Variants in ARFGEF3 observed in about 807,000 individuals in gnomAD.
The protein encoded by ARFGEF3 is brefeldin A-inhibited guanine nucleotide-exchange protein 3.
In ARFGEF3, 96 loss-of-function variants were observed where a neutral mutation model predicts 221.7. That is an observed-to-expected ratio of 0.43 (90% CI 0.37 to 0.51). ARFGEF3 has a LOEUF of 0.51. ARFGEF3 is among the 20% of genes least tolerant of loss of function. The pLI, the probability that ARFGEF3 is intolerant of heterozygous loss-of-function variation, is 0.00. For synonymous variants in ARFGEF3, 1,145 were observed against 1,126.8 expected, an observed-to-expected ratio of 1.02 and a Z score of -0.32; for missense variants, 2,410 against 2,789.9, an observed-to-expected ratio of 0.86 and a Z score of 3.07.
At chr6:138,284,797 A>C (rs1438839551) in intron 14 of ARFGEF3, among the ~76,000 whole-genome samples, 2 of 152,212 alleles carry the variant, frequency 1.3e-5, no homozygotes, top group African/African-American at 4.8e-5. Flanking sequence ...ACATGTTCTG[A>C]GAAATGCATT....
At chr6:138,180,287 C>T (rs1777053181) in intron 2 of ARFGEF3, among the ~76,000 whole-genome samples, 2 of 152,182 alleles carry the variant, frequency 1.3e-5, no homozygotes. Context: ...GTTGGACTCC[C>T]CTTGCTACCT....
intron 2 of ARFGEF3, among the ~76,000 whole-genome samples, chr6:138,176,516 A>G (rs191144560): frequency 2.0e-5 from 3 of 152,150 alleles, no homozygotes; most frequent in East Asian, 3.9e-4. Flanking sequence ...ATGACAATCT[A>G]TATATTTTAA....
At chr6:138,323,334 G>A (rs1193235496) in intron 29 of ARFGEF3, among the ~76,000 whole-genome samples, 4 of 152,222 alleles carry the variant, frequency 2.6e-5, no homozygotes, top group African/African-American at 4.8e-5. Context: ...CTTTGTGGCC[G>A]GGCGCGGTGT....
chr6:138,162,148 A>G lies in ARFGEF3; in HGVS notation c.62A>G (p.Lys21Arg). The G allele has an allele frequency of 2.5e-6, 4 of 1,603,564 alleles. No homozygotes were observed. Among genetic ancestry groups the G allele is most frequent in the Non-Finnish European group, 1.7e-6 (2 of 1,174,696 alleles). The change falls in exon 1 of 34, where the codon AAG becomes AGG. Residue 21 changes from lysine (K) to arginine (R), a missense_variant. This residue lies in a region of ARFGEF3 where 570 missense variants were observed against 586.9 expected (regional missense o/e 0.97). Transcript: ENST00000251691. The surrounding 1 kb of genome is among the most constrained non-coding windows in gnomAD (Gnocchi z 4.7). ...TCCGGGAGCAAGTACAAAGCCATCA[A>G]GGAGAGCTGCACCTGGGCCCTGGGT... ...EASGSKYKAI[K>R]ESCTWALETL...
At chr6:138,285,906 T>A in intron 14 of ARFGEF3, 40 bp from the exon 15 acceptor site, 1 of 1,200,476 alleles carries the variant, frequency 8.3e-7, no homozygotes, top group Non-Finnish European at 1.2e-6. Flanking sequence ...TTGACTGGAG[T>A]GTTTTATTTA....
In ARFGEF3 at chr6:138,263,494, C is replaced by A; in HGVS notation, c.2011C>A (p.His671Asn). The change falls in exon 12 of 34, where the codon CAC becomes AAC. Residue 671 changes from histidine (H) to asparagine (N), a missense_variant. Around this residue, in one of 5 missense-constraint regions of ARFGEF3, gnomAD observed 594 missense variants for 734.3 expected, o/e 0.81. Coordinates refer to ENST00000251691, the MANE Select transcript of ARFGEF3 (RefSeq NM_020340.5). The stretch of plus-strand genomic sequence containing the variant: ...GCTGAAGAACCAGGAGGCGGATCAG[C>A]ACAGCGCCAGGCTGTTCATACAGTC... ...KLLKNQEADQHSARLFIQSLE... is the reference protein window; with the variant it reads ...KLLKNQEADQNSARLFIQSLE... The A allele has an allele frequency of 1.2e-6, 2 of 1,613,870 alleles. No individual in the cohort carries two copies. Among genetic ancestry groups the A allele is most frequent in the Non-Finnish European group, 1.7e-6 (2 of 1,179,888 alleles).
intron 30 of ARFGEF3, 91 bp from the exon 31 acceptor site, chr6:138,323,932 T>C: frequency 6.4e-7 from 1 of 1,569,400 alleles, no homozygotes; most frequent in East Asian, 2.2e-5. Flanking sequence ...TCAGTACTTT[T>C]GTCTCAGACA....
chr6:138,231,781 T>G (rs1778197227), intron 5 of ARFGEF3, among the ~76,000 whole-genome samples: 1 of 152,146 alleles, frequency 6.6e-6, no homozygotes. Context: ...GATCAGGAAG[T>G]GGGATGTGTA....
Position 138,344,381 on chromosome 6 carries a change from G to T in ARFGEF3, c.*7895G>T, listed in dbSNP as rs1010096036. The T allele has an allele frequency of 6.6e-6, 1 of 151,810 alleles. No homozygotes were observed. Among genetic ancestry groups the T allele is most frequent in the Non-Finnish European group, 1.5e-5 (1 of 67,980 alleles). 9.4% of individuals were successfully genotyped at this position (151,810 alleles called of 1,614,324 possible). On this transcript the variant is annotated 3_prime_UTR_variant, in exon 34 of 34. Coordinates refer to ENST00000251691, the MANE Select transcript of ARFGEF3 (RefSeq NM_020340.5). ...TTTTGCCTTCTTATTTAGTCAGTTT[G>T]GTCATATTTACTTAAAAAAACAAAC...
In ARFGEF3 at chr6:138,336,346, G is replaced by C. The variant is rs1421738174; in HGVS notation, c.6394G>C (p.Asp2132His). 1.2e-6 allele frequency: 2 copies of C among 1,610,460 alleles called. No individual in the cohort carries two copies. The highest frequency in any genetic ancestry group is 3.4e-5 in the Admixed American group (2 of 59,454). ...TVLNQIQILPDQTFTALQPAV... is the reference protein window; with the variant it reads ...TVLNQIQILPHQTFTALQPAV... ...TCTCAATCAGATTCAGATTCTCCCA[G>C]ACCAGACCTTCACGGCCCTCCAGCC... The change falls in exon 34 of 34, where the codon GAC (aspartate) becomes CAC (histidine). Residue 2132 changes from aspartate to histidine, a missense_variant. Transcript: ENST00000251691.
At chr6:138,325,848 G>C (rs912333112) in intron 31 of ARFGEF3, among the ~76,000 whole-genome samples, 6 of 151,582 alleles carry the variant, frequency 4.0e-5, no homozygotes, top group Non-Finnish European at 8.8e-5. Context: ...TGTTTTTGTT[G>C]TTGTTGTTGT....
intron 2 of ARFGEF3, among the ~76,000 whole-genome samples, chr6:138,180,772 G>A (rs1236189614): frequency 2.0e-5 from 3 of 152,212 alleles, no homozygotes; most frequent in Non-Finnish European, 4.4e-5. Flanking sequence ...TTGTTCTAGA[G>A]GAGAACTGAA....
chr6:138,243,032 C>T (rs757113242), intron 7 of ARFGEF3, 38 bp downstream of exon 7: 2 of 1,559,122 alleles, frequency 1.3e-6, no homozygotes, highest in East Asian at 2.2e-5. Context: ...GTTTTTAAAG[C>T]AGGTGTGAGA....
rs947030254 is a variant in ARFGEF3 at position 138,291,869 on chromosome 6, C to T, written c.3184C>T (p.Pro1062Ser). ...TGGGGACCCCGAGTGTGAGGGCTCG[C>T]CCCCCGAGCACAGCCCGGAGCAGGG... is the stretch of plus-strand genomic sequence containing the variant. ...LLGDPECEGS[P>S]PEHSPEQGRS... The change falls in exon 19 of 34, where the codon CCC becomes TCC. Residue 1062 changes from proline (P) to serine (S), a missense_variant. By Grantham distance (74) the Pro-to-Ser change is moderately conservative. This residue lies in a region of ARFGEF3 where 184 missense variants were observed against 141.8 expected (regional missense o/e 1.30). Coordinates refer to ENST00000251691, the MANE Select transcript of ARFGEF3 (RefSeq NM_020340.5). The surrounding 1 kb of genome is among the most constrained non-coding windows in gnomAD (Gnocchi z 4.5). The T allele has an allele frequency of 2.7e-6, 4 of 1,497,062 alleles. No homozygotes were observed. The highest frequency in any genetic ancestry group is 2.7e-5 in the East Asian group (1 of 37,290). The allele number at this position is 1,497,062 out of a possible 1,614,324, so 92.7% of individuals were successfully genotyped here.
In ARFGEF3 at chr6:138,328,126, G is replaced by T; in HGVS notation, c.5107G>T (p.Gly1703Ter). 6.3e-7 allele frequency: 1 copy of T among 1,593,452 alleles called. No individual in the cohort carries two copies. The highest frequency in any genetic ancestry group is 1.1e-5 in the South Asian group (1 of 87,350). Residue 1703 changes from glycine (G) to a stop codon, truncating the protein, a stop_gained, in exon 32 of 34, where the codon GGA (glycine) becomes TGA (stop). Coordinates refer to ENST00000251691, the MANE Select transcript of ARFGEF3 (RefSeq NM_020340.5). LOFTEE classifies it high-confidence loss of function. ...GCTGCCTCCTGATGAAAAACCAAATGGACACACCAAGAAAAGGTAAGTACC... is the reference window on the plus strand; with the variant it reads ...GCTGCCTCCTGATGAAAAACCAAATTGACACACCAAGAAAAGGTAAGTACC... The part of the protein sequence containing the change: ...IELPPDEKPN[G>*]HTKKSVSFRE...
rs752377124 is a variant in ARFGEF3, at chr6:138,286,755, C to T, written c.2624C>T (p.Thr875Ile). 3 of 1,614,056 alleles carry T rather than the reference C, an allele frequency of 1.9e-6. No homozygotes were observed. Among genetic ancestry groups the T allele is most frequent in the South Asian group, 2.2e-5 (2 of 91,090 alleles). Residue 875 changes from threonine to isoleucine, a missense_variant, in exon 16 of 34, where the codon ACT (threonine) becomes ATT (isoleucine). This residue lies in a region of ARFGEF3 where 594 missense variants were observed against 734.3 expected (regional missense o/e 0.81). Coordinates refer to ENST00000251691, the MANE Select transcript of ARFGEF3 (RefSeq NM_020340.5). ...LVGCWKNLIDTLSTPLTGRMA... is the reference protein window; with the variant it reads ...LVGCWKNLIDILSTPLTGRMA... ...GGCTGCTGGAAGAACTTGATCGATACTTTATCAACCCCACTGACTGGTCGA... is the reference window on the plus strand; with the variant it reads ...GGCTGCTGGAAGAACTTGATCGATATTTTATCAACCCCACTGACTGGTCGA...
intron 17 of ARFGEF3, 34 bp downstream of exon 17, chr6:138,287,218 C>A: frequency 6.6e-7 from 1 of 1,511,978 alleles, no homozygotes; most frequent in South Asian, 1.2e-5. Flanking sequence ...CACCTGGTGC[C>A]TTGGGTGCAG....
intron 18 of ARFGEF3, among the ~76,000 whole-genome samples, chr6:138,290,766 A>G (rs1374801632): frequency 2.0e-5 from 3 of 152,194 alleles, no homozygotes; most frequent in Non-Finnish European, 2.9e-5. Flanking sequence ...CAGAGCAGGC[A>G]TGGGGCAAGA....
intron 4 of ARFGEF3, among the ~76,000 whole-genome samples, chr6:138,227,462 G>T (rs1166320837): frequency 6.6e-6 from 1 of 152,132 alleles, no homozygotes; most frequent in Non-Finnish European, 1.5e-5. Context: ...GCAGAAAGTT[G>T]ATCGTCAGTC....
Sources: gnomAD v4.1 joint callset for allele counts (sites outside exome capture counted in the v4.1 genomes callset) on GRCh38, gnomAD v4.1.1 for gene constraint, gnomAD v4.1.1 regional missense constraint, Gnocchi (gnomAD v3.1) non-coding constraint, MANE v1.5 for transcripts, NCBI Gene and HGNC (gene_info 2026-07-23, HGNC 2026-07-21) for gene names.